Variants in ADCY5 observed in about 807,000 individuals in gnomAD.
ADCY5 encodes adenylate cyclase type 5.
A neutral mutation model predicts 119.7 loss-of-function variants in ADCY5; 30 were observed. The ratio of observed to expected loss-of-function variants is 0.25; its 90% CI spans 0.19 to 0.34. The LOEUF (loss-of-function observed/expected upper bound fraction) is 0.34. Ranked by LOEUF, ADCY5 falls within the 10% of genes least tolerant of loss-of-function variation. ADCY5 has a pLI of 1.00. For synonymous variants in ADCY5, 753 were observed against 762.2 expected (o/e 0.99, Z 0.20); for missense variants, 1,324 against 1,775.2 (o/e 0.75, Z 4.57).
intron 1 of ADCY5, among the ~76,000 whole-genome samples, chr3:123,412,155 C>T (rs1009097080): frequency 1.1e-4 from 17 of 152,278 alleles, no homozygotes; most frequent in Middle Eastern, 3.4e-3. Context: ...AGCTAGACCT[C>T]GAGGCTTCCT....
At chr3:123,375,902 G>C (rs1436134587) in intron 1 of ADCY5, among the ~76,000 whole-genome samples, 1 of 152,144 alleles carries the variant, frequency 6.6e-6, no homozygotes, top group African/African-American at 2.4e-5. Context: ...CGCACTGTGA[G>C]GAAGGCAGCC....
At chr3:123,308,191 GC>G (rs1197990173) in intron 12 of ADCY5, among the ~76,000 whole-genome samples, 9 of 151,462 alleles carry the variant, frequency 5.9e-5, no homozygotes. Context: ...CCACCACCAC[GC>G]CCGGCTAATT....
chr3:123,345,373 A>C (rs1351813016), intron 3 of ADCY5, among the ~76,000 whole-genome samples: 1 of 152,218 alleles, frequency 6.6e-6, no homozygotes, highest in African/African-American at 2.4e-5. Flanking sequence ...CTGAGCAGCA[A>C]ATTTTCTGGA....
intron 1 of ADCY5, among the ~76,000 whole-genome samples, chr3:123,382,941 A>G (rs1420246130): frequency 6.6e-6 from 1 of 152,208 alleles, no homozygotes; most frequent in Non-Finnish European, 1.5e-5. Flanking sequence ...ATAAAGAAAA[A>G]TAAAACAGCA....
Position 123,448,657 on chromosome 3 carries a change from G to C in ADCY5, c.-112C>G. The C allele has an allele frequency of 2.0e-6, 2 of 991,258 alleles. No homozygotes were observed. Among genetic ancestry groups the C allele is most frequent in the Non-Finnish European group, 2.6e-6 (2 of 767,296 alleles). 61.4% of individuals were successfully genotyped at this position (991,258 alleles called of 1,614,324 possible). ...GGACCAGGCTAGGGTCACACGTCGGGGGCGGCCCGGGGCCCTGCGCTGCAG... is the reference window on the plus strand; with the variant it reads ...GGACCAGGCTAGGGTCACACGTCGGCGGCGGCCCGGGGCCCTGCGCTGCAG... On this transcript the variant is annotated 5_prime_UTR_variant, in exon 1 of 21. Transcript: ENST00000462833.
At chr3:123,383,624 C>A (rs1466155826) in intron 1 of ADCY5, among the ~76,000 whole-genome samples, 1 of 152,168 alleles carries the variant, frequency 6.6e-6, no homozygotes. Flanking sequence ...TGCCCGCCCA[C>A]GGGGCTAATT....
chr3:123,368,613 A>G (rs940467203), intron 1 of ADCY5, among the ~76,000 whole-genome samples: 1 of 152,138 alleles, frequency 6.6e-6, no homozygotes, highest in African/African-American at 2.4e-5. Context: ...TTAGCTGGAC[A>G]TGATGGCACA....
intron 1 of ADCY5, among the ~76,000 whole-genome samples, chr3:123,442,440 C>A (rs1186001450): frequency 6.6e-6 from 1 of 152,250 alleles, no homozygotes; most frequent in African/African-American, 2.4e-5. Flanking sequence ...CAGCCACACC[C>A]TCGGACAGAG....
At chr3:123,444,374 G>A (rs534448271) in intron 1 of ADCY5, among the ~76,000 whole-genome samples, 2 of 152,290 alleles carry the variant, frequency 1.3e-5, no homozygotes, top group South Asian at 4.1e-4. Flanking sequence ...GCAGCAGAGA[G>A]GTGAGGTGGG....
At position 123,367,861 on chromosome 3, in the gene ADCY5, A is replaced by G. The variant is rs1943501922; in HGVS notation, c.1135-15280T>C. ...CAGCAGAATCCAGAAGAAAAAAAAA[A>G]ACACCAAAGAGAAAATGAAACTGCC... On this transcript the variant is annotated intron_variant, in intron 1 of 20. Transcript: ENST00000462833. The G allele has an allele frequency of 2.6e-6, 4 of 1,520,574 alleles. 1 individual carries two copies. The South Asian group carries it at 3.8e-5, about 14-fold the overall frequency. The allele number at this position is 1,520,574 out of a possible 1,614,324, so 94.2% of individuals were successfully genotyped here. A position where few individuals can be genotyped will look rare whatever the true frequency, so the allele number is the denominator to read the frequency against.
At position 123,373,763 on chromosome 3, in the gene ADCY5, C is replaced by CG. The variant is rs1553739698; in HGVS notation, c.1135-21183_1135-21182insC. 8.9e-5 allele frequency among the ~76,000 whole-genome samples: 3 copies of CG among 33,724 alleles called. 1 individual carries two copies. Among genetic ancestry groups the CG allele is most frequent in the Admixed American group, 2.5e-4 (1 of 4,076 alleles). 22.1% of individuals were successfully genotyped at this position (33,724 alleles called of 152,430 possible). On this transcript the variant is annotated intron_variant, in intron 1 of 20. Coordinates refer to ENST00000462833, the MANE Select transcript of ADCY5 (RefSeq NM_183357.3). ...CAACAGGCCAGAAGCATCACGCCCCCCCCCCCCCGACCCCCCCGCAGGTAG... is the reference window on the plus strand; with the variant it reads ...CAACAGGCCAGAAGCATCACGCCCCCGCCCCCCCCGACCCCCCCGCAGGTAG...
intron 14 of ADCY5, 66 bp from the exon 15 acceptor site, chr3:123,300,361 C>A: frequency 6.5e-7 from 1 of 1,541,174 alleles, no homozygotes; most frequent in Non-Finnish European, 8.8e-7. Flanking sequence ...TGGCCCCATG[C>A]ATCCTCCAGT....
At chr3:123,342,657 C>T (rs570080144) in intron 3 of ADCY5, among the ~76,000 whole-genome samples, 2 of 151,130 alleles carry the variant, frequency 1.3e-5, no homozygotes, top group Admixed American at 1.3e-4. Flanking sequence ...GCTTTCTCGC[C>T]CTTCACACAA....
chr3:123,403,190 G>C (rs1944819245), intron 1 of ADCY5, among the ~76,000 whole-genome samples: 1 of 151,932 alleles, frequency 6.6e-6, no homozygotes, highest in African/African-American at 2.4e-5. Context: ...GACCAGCCTG[G>C]GCAATATGGG....
At chr3:123,348,038 T>TGTGTGTGTGTGTGG in intron 2 of ADCY5, 135 bp from the exon 3 acceptor site, 1 of 591,488 alleles carries the variant, frequency 1.7e-6, no homozygotes, top group Non-Finnish European at 2.9e-6. Context: ...GGGTTAACAG[T>TGTGTGTGTGTGTGG]GTGTGTGTGT....
intron 3 of ADCY5, among the ~76,000 whole-genome samples, chr3:123,334,126 AC>A (rs1353636000): frequency 1.3e-5 from 2 of 152,222 alleles, no homozygotes; most frequent in Non-Finnish European, 2.9e-5. Flanking sequence ...TAAAAGGGAC[AC>A]AAAAATCTAA....
intron 12 of ADCY5, 40 bp downstream of exon 12, chr3:123,314,195 G>C: frequency 2.6e-6 from 4 of 1,534,558 alleles, no homozygotes; most frequent in Non-Finnish European, 3.6e-6. Flanking sequence ...GAGAGAAGCG[G>C]GAAGAAGGTG....
At chr3:123,413,615 A>G (rs1945112580) in intron 1 of ADCY5, among the ~76,000 whole-genome samples, 1 of 152,182 alleles carries the variant, frequency 6.6e-6, no homozygotes, top group Non-Finnish European at 1.5e-5. Context: ...GCAACCGATT[A>G]ACAGCCTTTG....
chr3:123,305,843 G>A (rs1282447502), intron 12 of ADCY5, among the ~76,000 whole-genome samples: 5 of 152,228 alleles, frequency 3.3e-5, no homozygotes, highest in Non-Finnish European at 7.3e-5. Flanking sequence ...CAGGGAAAGA[G>A]GGGACCACAA....
Sources: gnomAD v4.1 joint callset for allele counts (sites outside exome capture counted in the v4.1 genomes callset) on GRCh38, gnomAD v4.1.1 for gene constraint, MANE v1.5 for transcripts, NCBI Gene and HGNC (gene_info 2026-07-23, HGNC 2026-07-21) for gene names.